Variants in EFHC1 observed in about 807,000 individuals in gnomAD.
EFHC1 encodes the protein EF-hand domain-containing protein 1.
Under a neutral mutation model 69.9 loss-of-function variants are expected in EFHC1, and 53 were observed. That is an observed-to-expected ratio of 0.76 (90% CI 0.61 to 0.95). The LOEUF (loss-of-function observed/expected upper bound fraction) is 0.95. EFHC1 is among the 40% of genes least tolerant of loss of function. The pLI is 0.00. For synonymous variants in EFHC1, 256 were observed against 278.4 expected (o/e 0.92, Z 0.80); for missense variants, 739 against 798.7 (o/e 0.93, Z 0.90).
At chr6:52,445,762 T>C (rs1264473730) in intron 3 of EFHC1, among the ~76,000 whole-genome samples, 1 of 152,224 alleles carries the variant, frequency 6.6e-6, no homozygotes, top group East Asian at 1.9e-4. Flanking sequence ...ATGTTGTGTC[T>C]TTGTTCTCAT....
chr6:52,457,405 AG>A (rs535755890), intron 5 of EFHC1, among the ~76,000 whole-genome samples: 21 of 152,194 alleles, frequency 1.4e-4, no homozygotes, highest in Non-Finnish European at 2.9e-4. Flanking sequence ...CAAGAGCAAA[AG>A]TTGGGAATTA....
At chr6:52,482,523 T>C in intron 9 of EFHC1, 1 of 337,532 alleles carries the variant, frequency 3.0e-6, no homozygotes, top group Non-Finnish European at 5.3e-6. Flanking sequence ...TGAGCAGCAC[T>C]TGCCTACTTC....
chr6:52,484,531 CT>C (rs1765747752), intron 9 of EFHC1: 1 of 152,138 alleles, frequency 6.6e-6, no homozygotes, highest in African/African-American at 2.4e-5. Flanking sequence ...TTTTCATGTG[CT>C]TTTGTATTCT....
At chr6:52,424,562 G>A (rs959780183) in intron 2 of EFHC1, among the ~76,000 whole-genome samples, 2 of 152,150 alleles carry the variant, frequency 1.3e-5, no homozygotes, top group South Asian at 2.1e-4. Context: ...TGAAAACAAT[G>A]ACTCCATCTA....
intron 3 of EFHC1, among the ~76,000 whole-genome samples, chr6:52,444,925 G>A (rs1007105545): frequency 6.6e-6 from 1 of 152,020 alleles, no homozygotes; most frequent in African/African-American, 2.4e-5. Flanking sequence ...GTCCTGGACT[G>A]TTTTTGGTTG....
In EFHC1 at chr6:52,454,244, A is replaced by G. The variant is rs778432296; in HGVS notation, c.873A>G (p.Leu291=). ...ATGGGAGAGATCCTTTCCCACTCCT[A>G]ATGAACCGCCAGCGTGTGCCCAAAG... The part of the protein sequence containing the change: ...RNDGRDPFPL[L]MNRQRVPKVL... The change falls in exon 5 of 11, where the codon CTA becomes CTG. Residue 291 remains leucine (L), a synonymous_variant. Transcript: ENST00000371068. 20 of 1,614,068 alleles carry G rather than the reference A, an allele frequency of 1.2e-5. No homozygotes were observed. In the South Asian group the frequency reaches 2.2e-4, roughly 18 times the overall value.
intron 3 of EFHC1, among the ~76,000 whole-genome samples, chr6:52,441,318 G>C (rs946715082): frequency 1.3e-5 from 2 of 151,936 alleles, no homozygotes; most frequent in Non-Finnish European, 2.9e-5. Context: ...TATATCTGGT[G>C]TAAGATATAT....
At chr6:52,467,010 A>G (rs1391277324) in intron 6 of EFHC1, among the ~76,000 whole-genome samples, 1 of 151,588 alleles carries the variant, frequency 6.6e-6, no homozygotes, top group Non-Finnish European at 1.5e-5. Flanking sequence ...GTTTCTTGGC[A>G]GCATTTGATG....
At chr6:52,422,182 G>A (rs1278767028) in intron 1 of EFHC1, among the ~76,000 whole-genome samples, 1 of 152,176 alleles carries the variant, frequency 6.6e-6, no homozygotes, top group Non-Finnish European at 1.5e-5. Flanking sequence ...TGGACAAGAG[G>A]GGTGGAAAGG....
intron 4 of EFHC1, chr6:52,453,736 A>G (rs1314734433): frequency 2.4e-6 from 3 of 1,243,612 alleles, no homozygotes; most frequent in Middle Eastern, 3.5e-4. Flanking sequence ...TTATATATAA[A>G]CCATATTCAC....
At chr6:52,438,741 G>A in intron 3 of EFHC1, 150 bp downstream of exon 3, 3 of 779,878 alleles carry the variant, frequency 3.8e-6, no homozygotes, top group Non-Finnish European at 6.3e-6. Context: ...ATGTGTGTAT[G>A]TGCTAATATG....
intron 9 of EFHC1, chr6:52,482,716 C>T: frequency 2.5e-6 from 1 of 398,068 alleles, no homozygotes; most frequent in Non-Finnish European, 4.4e-6. Flanking sequence ...TAATGTGAAG[C>T]ATTTTATAGG....
Position 52,496,881 on chromosome 6 carries a change from C to A in EFHC1, c.*4540C>A, listed in dbSNP as rs982216937. The A allele has an allele frequency of 3.3e-5, 5 of 152,182 alleles. No homozygotes were observed. The highest frequency in any genetic ancestry group is 4.4e-5 in the Non-Finnish European group (3 of 68,028). The allele number at this position is 152,182 out of a possible 1,614,324, so 9.4% of individuals were successfully genotyped here. On this transcript the variant is annotated 3_prime_UTR_variant, in exon 11 of 11. Coordinates refer to ENST00000371068, the MANE Select transcript of EFHC1 (RefSeq NM_018100.4). ...TGTAACTGCACTCATCTTTTGAGATCTTTTTCCAAAGAAAGATGGTTCTGG... is the reference window on the plus strand; with the variant it reads ...TGTAACTGCACTCATCTTTTGAGATATTTTTCCAAAGAAAGATGGTTCTGG...
rs1193765361 is a variant in EFHC1 at position 52,482,709 on chromosome 6, T to C, written c.1640+2922T>C. The C allele has an allele frequency of 2.0e-5, 8 of 397,934 alleles. No individual in the cohort carries two copies. The East Asian group carries it at 2.9e-4, about 14-fold the overall frequency. 24.7% of individuals were successfully genotyped at this position (397,934 alleles called of 1,614,324 possible). A position where few individuals can be genotyped will look rare whatever the true frequency, so the allele number is the denominator to read the frequency against. ...GAAATATCTCTGAGAGTTCTTTTAA[T>C]GTGAAGCATTTTATAGGCATCTGGG... is the stretch of plus-strand genomic sequence containing the variant. On this transcript the variant is annotated intron_variant, in intron 9 of 10. Transcript: ENST00000371068.
chr6:52,493,381 TA>T lies in EFHC1; in HGVS notation c.*1041del. On this transcript the variant is annotated 3_prime_UTR_variant, in exon 11 of 11. Transcript: ENST00000371068. ...CTCTCTCTACATATATATATATATA[TA>T]TATTTTATATGTACACATTCATACA... 4.5e-6 allele frequency: 1 copy of T among 222,500 alleles called. No homozygotes were observed. The highest frequency in any genetic ancestry group is 8.9e-6 in the Non-Finnish European group (1 of 112,478). 13.8% of individuals were successfully genotyped at this position (222,500 alleles called of 1,614,324 possible). A position where few individuals can be genotyped will look rare whatever the true frequency, so the allele number is the denominator to read the frequency against.
chr6:52,450,106 G>A (rs1764882338), intron 3 of EFHC1, among the ~76,000 whole-genome samples: 1 of 152,126 alleles, frequency 6.6e-6, no homozygotes, highest in Admixed American at 6.5e-5. Flanking sequence ...CCATGTAATT[G>A]CATGGTTTTG....
chr6:52,475,939 TTA>T (rs1166969411), intron 7 of EFHC1, among the ~76,000 whole-genome samples: 4 of 152,116 alleles, frequency 2.6e-5, no homozygotes, highest in Non-Finnish European at 5.9e-5. Flanking sequence ...AGGGGCTCAT[TTA>T]TATCAGCAGA....
At chr6:52,453,163 G>A in intron 4 of EFHC1, 3 of 1,343,830 alleles carry the variant, frequency 2.2e-6, no homozygotes, top group Non-Finnish European at 2.9e-6. Context: ...CCCTTAAAAT[G>A]AGCTAATTTC....
At position 52,459,813 on chromosome 6, in the gene EFHC1, T is replaced by C. The variant is rs556969316; in HGVS notation, c.917-5082T>C. On this transcript the variant is annotated intron_variant, in intron 5 of 10. Coordinates refer to ENST00000371068, the MANE Select transcript of EFHC1 (RefSeq NM_018100.4). ...CCTCAGCCTCCCGAGTAGCTGGGAC[T>C]ACAGGCGCCTGCCACTACGCCCGGC... Among the ~76,000 whole-genome samples, 8 of 152,304 alleles carry C rather than the reference T, an allele frequency of 5.3e-5. No homozygotes were observed. In the South Asian group the frequency reaches 1.7e-3, roughly 32 times the overall value.
Sources: allele counts gnomAD v4.1 joint callset (sites outside exome capture counted in the v4.1 genomes callset), GRCh38; gene constraint gnomAD v4.1.1; transcripts MANE v1.5; gene names NCBI Gene and HGNC (gene_info 2026-07-23, HGNC 2026-07-21).